Variants in FAM107B observed in about 807,000 individuals in gnomAD.
The protein encoded by FAM107B is protein FAM107B.
In FAM107B, 21 loss-of-function variants were observed where a neutral mutation model predicts 31.5. The ratio of observed to expected loss-of-function variants is 0.67; its 90% CI spans 0.47 to 0.96. FAM107B has a LOEUF of 0.96. FAM107B is among the 40% of genes least tolerant of loss of function. The pLI is 0.00. For synonymous variants in FAM107B, 157 were observed against 141.5 expected, an observed-to-expected ratio of 1.11 and a Z score of -0.78; for missense variants, 452 against 377.1, an observed-to-expected ratio of 1.20 and a Z score of -1.64.
intron 2 of FAM107B, among the ~76,000 whole-genome samples, chr10:14,598,134 A>T (rs7896116): frequency 1.5e-4 from 23 of 151,768 alleles, no homozygotes; most frequent in Admixed American, 6.6e-4. Flanking sequence ...TTGCCTTTTC[A>T]CTCCGTTGAC....
chr10:14,534,687 C>T (rs890983195), intron 2 of FAM107B: 5 of 152,258 alleles, frequency 3.3e-5, no homozygotes, highest in Non-Finnish European at 5.9e-5. Flanking sequence ...TCCAGCAGAT[C>T]CAAATAAATG....
At chr10:14,576,529 A>AAACAACAACAACAACAACAACAAC (rs113340570) in intron 2 of FAM107B, among the ~76,000 whole-genome samples, 21 of 147,194 alleles carry the variant, frequency 1.4e-4, no homozygotes, top group Non-Finnish European at 2.5e-4. Context: ...TACATCTCAA[A>AAACAACAACAACAACAACAACAAC]AACAACAACA....
chr10:14,521,971 T>C lies in FAM107B; in HGVS notation c.702A>G (p.Lys234=), dbSNP rs940736953. ...NKPELQKVME[K]RKRDQVIKQK... is the part of the protein sequence containing the mutation. ...GCTTTATTACTTGGTCTCGTTTTCT[T>C]TTTTCCATCACCTTCTGCAATTCTG... Residue 234 remains lysine (K), a synonymous_variant, in exon 4 of 5, where the codon AAA becomes AAG. Transcript: ENST00000181796. The C allele has an allele frequency of 3.1e-6, 5 of 1,614,082 alleles. No homozygotes were observed. In the African/African-American group the frequency reaches 5.3e-5, roughly 17 times the overall value.
At chr10:14,718,895 T>C (rs543025965) in intron 1 of FAM107B, among the ~76,000 whole-genome samples, 1 of 152,276 alleles carries the variant, frequency 6.6e-6, no homozygotes, top group East Asian at 1.9e-4. Flanking sequence ...GCCATGATCA[T>C]TTTTGACTCT....
intron 2 of FAM107B, among the ~76,000 whole-genome samples, chr10:14,576,103 T>C (rs1851455089): frequency 2.0e-5 from 3 of 152,172 alleles, no homozygotes; most frequent in Admixed American, 6.5e-5. Flanking sequence ...TGGGGAGGAA[T>C]TGTATTATGG....
At chr10:14,583,505 C>T (rs2131314551) in intron 2 of FAM107B, among the ~76,000 whole-genome samples, 1 of 152,274 alleles carries the variant, frequency 6.6e-6, no homozygotes, top group South Asian at 2.1e-4. Context: ...CCTTCTAGAG[C>T]TGAGTATTCT....
intron 1 of FAM107B, among the ~76,000 whole-genome samples, chr10:14,760,965 T>C (rs1313671642): frequency 5.2e-5 from 7 of 133,644 alleles, no homozygotes; most frequent in Non-Finnish European, 1.5e-5. Context: ...TGAGCTGAGA[T>C]CGTGCCACTG....
chr10:14,681,474 A>G (rs1854833588), intron 1 of FAM107B, among the ~76,000 whole-genome samples: 1 of 152,166 alleles, frequency 6.6e-6, no homozygotes, highest in Non-Finnish European at 1.5e-5. Context: ...CTCATGTTTC[A>G]AAGGCAGATA....
chr10:14,571,932 A>G, intron 2 of FAM107B: 1 of 985,448 alleles, frequency 1.0e-6, no homozygotes, highest in Non-Finnish European at 1.2e-6. Context: ...ACCTCAGTAG[A>G]TATAGGCAGG....
intron 1 of FAM107B, among the ~76,000 whole-genome samples, chr10:14,707,504 G>A (rs552038885): frequency 4.6e-5 from 7 of 152,296 alleles, no homozygotes; most frequent in Admixed American, 2.6e-4. Context: ...AGGATGCCCC[G>A]AGACTGACGA....
At chr10:14,644,444 C>T (rs950811730) in intron 2 of FAM107B, among the ~76,000 whole-genome samples, 7 of 152,156 alleles carry the variant, frequency 4.6e-5, no homozygotes, top group African/African-American at 9.7e-5. Flanking sequence ...TTCTTTCATG[C>T]GTATGCTGCC....
chr10:14,711,707 G>C (rs557873945), intron 1 of FAM107B, among the ~76,000 whole-genome samples: 4 of 152,240 alleles, frequency 2.6e-5, no homozygotes, highest in African/African-American at 9.6e-5. Flanking sequence ...GCAGTGGTGT[G>C]ATCTCAGCTC....
chr10:14,571,592 CT>C (rs1851231221), intron 2 of FAM107B, among the ~76,000 whole-genome samples: 1 of 152,220 alleles, frequency 6.6e-6, no homozygotes. Context: ...ACAAAGCTCT[CT>C]TCCTGGCAAA....
At chr10:14,608,937 C>T (rs1852660066) in intron 2 of FAM107B, among the ~76,000 whole-genome samples, 1 of 152,146 alleles carries the variant, frequency 6.6e-6, no homozygotes, top group Non-Finnish European at 1.5e-5. Flanking sequence ...GTAACAGGTG[C>T]TAACAATAGT....
intron 1 of FAM107B, among the ~76,000 whole-genome samples, chr10:14,721,253 C>T (rs1249234642): frequency 6.6e-6 from 1 of 152,112 alleles, no homozygotes; most frequent in African/African-American, 2.4e-5. Flanking sequence ...CATTGATGGA[C>T]ATTTGGGTTG....
chr10:14,675,263 G>A (rs1033461327), intron 1 of FAM107B, among the ~76,000 whole-genome samples: 1 of 152,066 alleles, frequency 6.6e-6, no homozygotes, highest in Non-Finnish European at 1.5e-5. Flanking sequence ...CAATTTTATG[G>A]CACCGTGGTC....
intron 1 of FAM107B, among the ~76,000 whole-genome samples, chr10:14,729,003 T>C (rs935629955): frequency 1.3e-5 from 2 of 149,142 alleles, no homozygotes; most frequent in African/African-American, 4.9e-5. Context: ...ATGTGTTTTG[T>C]TTTTTTTTAA....
intron 2 of FAM107B, among the ~76,000 whole-genome samples, chr10:14,611,033 C>A (rs992886728): frequency 1.3e-5 from 2 of 152,148 alleles, no homozygotes; most frequent in Non-Finnish European, 2.9e-5. Context: ...CGCGAAGAAT[C>A]GAGAGAAACA....
At chr10:14,535,735 T>C (rs1847541028) in intron 2 of FAM107B, among the ~76,000 whole-genome samples, 1 of 152,222 alleles carries the variant, frequency 6.6e-6, no homozygotes, top group African/African-American at 2.4e-5. Flanking sequence ...CTGAAAGATT[T>C]TCAAGCTGTT....
Sources: allele counts gnomAD v4.1 joint callset (sites outside exome capture counted in the v4.1 genomes callset), GRCh38; gene constraint gnomAD v4.1.1; transcripts MANE v1.5; gene names NCBI Gene and HGNC (gene_info 2026-07-23, HGNC 2026-07-21).